Variants in ATXN7L1 observed in about 807,000 individuals in gnomAD.
The protein encoded by ATXN7L1 is ataxin-7-like protein 1.
Under a neutral mutation model 70.8 loss-of-function variants are expected in ATXN7L1, and 15 were observed. The observed-to-expected ratio is 0.21, with a 90% CI of 0.14 to 0.33. The LOEUF (loss-of-function observed/expected upper bound fraction) is 0.33. Ranked by LOEUF, ATXN7L1 falls within the 10% of genes least tolerant of loss-of-function variation. The probability of loss-of-function intolerance (pLI) is 1.00; values close to 1 mark genes in which losing one functional copy is unlikely to be tolerated. For synonymous variants in ATXN7L1, 440 were observed against 445.1 expected (o/e 0.99, Z 0.14); for missense variants, 975 against 1,097.1 (o/e 0.89, Z 1.57).
chr7:105,641,938 T>C (rs963922262), intron 5 of ATXN7L1, among the ~76,000 whole-genome samples: 1 of 152,190 alleles, frequency 6.6e-6, no homozygotes, highest in African/African-American at 2.4e-5. Context: ...TACCCACAAT[T>C]CCTTGGGTGC....
rs34269662 is a variant in ATXN7L1, at chr7:105,605,039, T to C, written c.*2813A>G. Reference sequence around the variant, plus strand: ...AAAGAAGGCATACAAGTTATCCAAGTCGCTTTTTTTTTTTTTTTTTTTTTT... The same window carrying C: ...AAAGAAGGCATACAAGTTATCCAAGCCGCTTTTTTTTTTTTTTTTTTTTTT... On this transcript the variant is annotated 3_prime_UTR_variant, in exon 12 of 12. Transcript: ENST00000419735. 7.0e-6 allele frequency: 1 copy of C among 142,576 alleles called. No homozygotes were observed. Among genetic ancestry groups the C allele is most frequent in the Non-Finnish European group, 1.5e-5 (1 of 66,124 alleles). The allele number at this position is 142,576 out of a possible 1,614,324, so 8.8% of individuals were successfully genotyped here.
At chr7:105,682,779 T>C (rs1805699618) in intron 3 of ATXN7L1, among the ~76,000 whole-genome samples, 1 of 152,006 alleles carries the variant, frequency 6.6e-6, no homozygotes, top group African/African-American at 2.4e-5. Flanking sequence ...GCAGGGGCTG[T>C]ATGTGGTGGG....
intron 3 of ATXN7L1, 56 bp from the exon 4 acceptor site, chr7:105,665,344 C>T: frequency 2.2e-6 from 3 of 1,360,674 alleles, no homozygotes; most frequent in South Asian, 2.5e-5. Context: ...GTGAGGCTCC[C>T]ACACACTCAC....
chr7:105,672,474 G>T (rs1290207027), intron 3 of ATXN7L1, among the ~76,000 whole-genome samples: 1 of 152,206 alleles, frequency 6.6e-6, no homozygotes, highest in Admixed American at 6.5e-5. Context: ...TTAATGTGCT[G>T]TAGATTATTT....
At chr7:105,727,767 T>TGTATATATATAC (rs1796044335) in intron 3 of ATXN7L1, among the ~76,000 whole-genome samples, 2 of 100,276 alleles carry the variant, frequency 2.0e-5, no homozygotes, top group African/African-American at 7.9e-5. Flanking sequence ...TATATATATA[T>TGTATATATATAC]ATATATATAT....
At chr7:105,810,742 G>C (rs188642355) in intron 2 of ATXN7L1, among the ~76,000 whole-genome samples, 1 of 152,346 alleles carries the variant, frequency 6.6e-6, no homozygotes, top group African/African-American at 2.4e-5. Flanking sequence ...GCATGGGGGC[G>C]GCGGAAAGGC....
chr7:105,616,033 G>C (rs1325584649), intron 9 of ATXN7L1, among the ~76,000 whole-genome samples: 1 of 152,232 alleles, frequency 6.6e-6, no homozygotes, highest in Non-Finnish European at 1.5e-5. Flanking sequence ...TGGCCCTCGG[G>C]AGCCAGGTAA....
chr7:105,704,265 C>G (rs531993945), intron 3 of ATXN7L1, among the ~76,000 whole-genome samples: 23 of 152,282 alleles, frequency 1.5e-4, no homozygotes, highest in Admixed American at 1.0e-3. Context: ...CTATAAGCCT[C>G]ATGAAGTGCC....
intron 4 of ATXN7L1, among the ~76,000 whole-genome samples, chr7:105,659,686 C>T (rs1011476934): frequency 6.6e-6 from 1 of 152,096 alleles, no homozygotes; most frequent in Non-Finnish European, 1.5e-5. Context: ...CTCCTCTTTC[C>T]CTGTCCCAAT....
intron 2 of ATXN7L1, among the ~76,000 whole-genome samples, chr7:105,845,315 A>G (rs866005108): frequency 6.6e-6 from 1 of 152,048 alleles, no homozygotes; most frequent in Admixed American, 6.6e-5. Context: ...AATATCAAAA[A>G]TAAAATACTT....
Position 105,722,514 on chromosome 7 carries a change from T to C in ATXN7L1, c.356-57226A>G, listed in dbSNP as rs112420897. The stretch of plus-strand genomic sequence containing the variant: ...AGGCGGAGGTTGCAGTGAGCCAAGA[T>C]TGTGCCACTGTACTCCAGCCTGGGC... On this transcript the variant is annotated intron_variant, in intron 3 of 11. Coordinates refer to ENST00000419735, the MANE Select transcript of ATXN7L1 (RefSeq NM_020725.2). 2.3e-3 allele frequency among the ~76,000 whole-genome samples: 297 copies of C among 129,858 alleles called. 1 individual carries two copies. Among genetic ancestry groups the C allele is most frequent in the Middle Eastern group, 5.3e-3 (1 of 188 alleles). 85.2% of individuals were successfully genotyped at this position (129,858 alleles called of 152,430 possible). A position where few individuals can be genotyped will look rare whatever the true frequency, so the allele number is the denominator to read the frequency against.
chr7:105,778,772 T>C (rs779016949), intron 3 of ATXN7L1, among the ~76,000 whole-genome samples: 2 of 152,238 alleles, frequency 1.3e-5, no homozygotes, highest in Non-Finnish European at 2.9e-5. Flanking sequence ...GGAGAACATA[T>C]GTGGTACCCA....
intron 3 of ATXN7L1, among the ~76,000 whole-genome samples, chr7:105,675,884 CTTTTT>C (rs371890415): frequency 7.0e-6 from 1 of 142,892 alleles, no homozygotes; most frequent in Non-Finnish European, 1.5e-5. Context: ...TTCATTCACT[CTTTTT>C]TTTTTTTTTT....
At chr7:105,654,154 T>C (rs1800267096) in intron 4 of ATXN7L1, among the ~76,000 whole-genome samples, 1 of 152,232 alleles carries the variant, frequency 6.6e-6, no homozygotes, top group African/African-American at 2.4e-5. Context: ...ATTAATGTTC[T>C]CAGTGGAAGT....
intron 7 of ATXN7L1, among the ~76,000 whole-genome samples, chr7:105,637,365 C>T (rs187816344): frequency 2.6e-5 from 4 of 152,306 alleles, no homozygotes; most frequent in African/African-American, 9.6e-5. Context: ...CTATTTGCTA[C>T]CCGTTGAGAT....
intron 3 of ATXN7L1, among the ~76,000 whole-genome samples, chr7:105,778,382 A>G (rs1563084942): frequency 6.6e-6 from 1 of 151,158 alleles, no homozygotes; most frequent in African/African-American, 2.4e-5. Flanking sequence ...ATGGTGGCTT[A>G]TGCCTGTGGT....
chr7:105,688,497 C>T (rs1286000404), intron 3 of ATXN7L1, among the ~76,000 whole-genome samples: 1 of 151,774 alleles, frequency 6.6e-6, no homozygotes, highest in African/African-American at 2.4e-5. Context: ...GAGCCGTGAT[C>T]GTGCCACTGC....
At chr7:105,762,557 C>T (rs1355955750) in intron 3 of ATXN7L1, among the ~76,000 whole-genome samples, 1 of 152,168 alleles carries the variant, frequency 6.6e-6, no homozygotes, top group African/African-American at 2.4e-5. Context: ...TGCCCCTTCC[C>T]CTACCCAATC....
chr7:105,751,982 C>A (rs1439205440), intron 3 of ATXN7L1, among the ~76,000 whole-genome samples: 2 of 152,218 alleles, frequency 1.3e-5, no homozygotes, highest in Non-Finnish European at 2.9e-5. Flanking sequence ...AAGCAGAACA[C>A]AAGGATTAAT....
Sources: allele counts gnomAD v4.1 joint callset (sites outside exome capture counted in the v4.1 genomes callset), GRCh38; gene constraint gnomAD v4.1.1; transcripts MANE v1.5; gene names NCBI Gene and HGNC (gene_info 2026-07-23, HGNC 2026-07-21).